SLC35F3: variants seen among roughly 807,000 people sequenced by gnomAD.
SLC35F3 encodes solute carrier family 35 member F3, also known as putative thiamine transporter SLC35F3.
Under a neutral mutation model 49.9 loss-of-function variants are expected in SLC35F3, and 25 were observed. That is an observed-to-expected ratio of 0.50 (90% CI 0.37 to 0.70). The LOEUF is 0.70. Ranked by LOEUF, SLC35F3 falls within the 30% of genes least tolerant of loss-of-function variation. The pLI is 0.00. For missense variants in SLC35F3, 525 were observed against 639.8 expected (o/e 0.82, Z 1.94); for synonymous variants, 275 against 265.4 (o/e 1.04, Z -0.35).
chr1:234,212,526 C>T (rs1443654643), intron 2 of SLC35F3: 1 of 152,176 alleles, frequency 6.6e-6, no homozygotes, highest in Non-Finnish European at 1.5e-5. Context: ...CCCGCTTGGC[C>T]AGTTACTCAG....
chr1:234,190,973 C>T (rs7519317), intron 2 of SLC35F3, among the ~76,000 whole-genome samples: 1 of 152,160 alleles, frequency 6.6e-6, no homozygotes, highest in Non-Finnish European at 1.5e-5. Context: ...AAAAGGGCTC[C>T]CTGCTTCTAG....
chr1:233,922,923 G>A (rs1377011288), intron 2 of SLC35F3, among the ~76,000 whole-genome samples: 4 of 152,118 alleles, frequency 2.6e-5, no homozygotes, highest in Non-Finnish European at 5.9e-5. Context: ...CCCATTTCTT[G>A]TTTTTGTCAG....
chr1:234,140,008 T>TAAGATAAGATAA, intron 2 of SLC35F3, among the ~76,000 whole-genome samples: 1 of 39,686 alleles, frequency 2.5e-5, no homozygotes. Context: ...ATAAAGTAAG[T>TAAGATAAGATAA]GACTTGAACA....
chr1:234,291,120 AC>A (rs1019503737), intron 3 of SLC35F3, among the ~76,000 whole-genome samples: 17 of 152,120 alleles, frequency 1.1e-4, no homozygotes, highest in Admixed American at 1.0e-3. Flanking sequence ...CCTGTTCGCC[AC>A]CCCCCAAACC....
At position 234,312,830 on chromosome 1, in the gene SLC35F3, G is replaced by A. The variant is rs868681114; in HGVS notation, c.828+3510G>A. 4.3e-4 allele frequency among the ~76,000 whole-genome samples: 65 copies of A among 151,356 alleles called. No homozygotes were observed. The Middle Eastern group carries it at 0.014, about 32-fold the overall frequency. On this transcript the variant is annotated intron_variant, in intron 4 of 7. Coordinates refer to ENST00000366618, the MANE Select transcript of SLC35F3 (RefSeq NM_173508.4). ...TGGCAGAGAACAGGCACCCCGCCACGTTTTGTTGTTTGTTTTTTTTAGGTT... is the reference window on the plus strand; with the variant it reads ...TGGCAGAGAACAGGCACCCCGCCACATTTTGTTGTTTGTTTTTTTTAGGTT...
chr1:234,259,971 C>T (rs867897391), intron 3 of SLC35F3, among the ~76,000 whole-genome samples: 1 of 152,002 alleles, frequency 6.6e-6, no homozygotes, highest in Non-Finnish European at 1.5e-5. Context: ...TTAAACTGCC[C>T]CTCGTAGTTT....
chr1:234,195,763 G>A (rs188137261), intron 2 of SLC35F3, among the ~76,000 whole-genome samples: 271 of 152,182 alleles, frequency 1.8e-3, no homozygotes, highest in Non-Finnish European at 3.1e-3. Flanking sequence ...ATGTGTTGTG[G>A]GAGGAACCCA....
chr1:234,322,444 A>G (rs1436858326), intron 7 of SLC35F3, among the ~76,000 whole-genome samples: 17 of 152,218 alleles, frequency 1.1e-4, no homozygotes, highest in Admixed American at 1.1e-3. Flanking sequence ...AAATCGTAAG[A>G]AAGAGAAAAT....
intron 2 of SLC35F3, among the ~76,000 whole-genome samples, chr1:233,935,189 C>CCTTT: frequency 4.0e-5 from 2 of 50,312 alleles, no homozygotes; most frequent in South Asian, 2.5e-3. Context: ...TTTCCTTGCC[C>CCTTT]TTTTTTTTTT....
rs763118572 is a variant in SLC35F3, at chr1:234,312,988, C to T, written c.829-3614C>T. Among the ~76,000 whole-genome samples, 6 of 152,008 alleles carry T rather than the reference C, an allele frequency of 3.9e-5. No homozygotes were observed. The South Asian group carries it at 1.2e-3, about 32-fold the overall frequency. ...ACCTTCTGGGCTCAAGTGATCCTTT[C>T]ACCTCAACCTCCTGAGTAGCTGGTA... On this transcript the variant is annotated intron_variant, in intron 4 of 7. Transcript: ENST00000366618.
intron 2 of SLC35F3, among the ~76,000 whole-genome samples, chr1:234,039,864 C>T (rs995974786): frequency 4.6e-5 from 7 of 152,180 alleles, no homozygotes; most frequent in Non-Finnish European, 1.0e-4. Flanking sequence ...CAGAAGGCAC[C>T]GTTACAATGC....
chr1:234,003,995 T>G (rs1043843088), intron 2 of SLC35F3, among the ~76,000 whole-genome samples: 1 of 152,148 alleles, frequency 6.6e-6, no homozygotes, highest in Non-Finnish European at 1.5e-5. Context: ...TATATATGAC[T>G]GATGGGAGAA....
At chr1:233,980,405 T>G (rs984964584) in intron 2 of SLC35F3, among the ~76,000 whole-genome samples, 1 of 152,182 alleles carries the variant, frequency 6.6e-6, no homozygotes, top group African/African-American at 2.4e-5. Flanking sequence ...ACCTGGGACT[T>G]GGCCTTGGTC....
At chr1:234,070,003 G>A (rs1379949) in intron 2 of SLC35F3, among the ~76,000 whole-genome samples, 100,383 of 152,042 alleles carry the variant, frequency 0.66, 33,692 homozygotes, top group African/African-American at 0.74. Context: ...CTCATACAGA[G>A]CTTTCAAACC....
chr1:234,209,419 C>T (rs2102939180), intron 2 of SLC35F3, among the ~76,000 whole-genome samples: 1 of 152,166 alleles, frequency 6.6e-6, no homozygotes, highest in Non-Finnish European at 1.5e-5. Context: ...AACAGTAGTG[C>T]ATGCTTATAC....
intron 2 of SLC35F3, among the ~76,000 whole-genome samples, chr1:234,031,439 G>C (rs529123578): frequency 3.3e-5 from 5 of 152,314 alleles, no homozygotes; most frequent in African/African-American, 9.6e-5. Flanking sequence ...ATGGTAACTT[G>C]GCAGAGTCAC....
intron 2 of SLC35F3, among the ~76,000 whole-genome samples, chr1:233,998,100 T>C (rs9435490): frequency 0.26 from 39,629 of 151,998 alleles, 5,394 homozygotes; most frequent in East Asian, 0.49. Flanking sequence ...GCATTATAGA[T>C]GGATATGTGT....
At chr1:234,222,411 G>T (rs952816862) in intron 2 of SLC35F3, among the ~76,000 whole-genome samples, 1 of 152,176 alleles carries the variant, frequency 6.6e-6, no homozygotes. Context: ...GATGCATAAC[G>T]ACTCTGCTGA....
intron 2 of SLC35F3, among the ~76,000 whole-genome samples, chr1:234,157,112 G>T (rs1666165745): frequency 6.6e-6 from 1 of 152,172 alleles, no homozygotes; most frequent in African/African-American, 2.4e-5. Flanking sequence ...GAATTGTATA[G>T]TATGTATCTT....
Sources: allele counts gnomAD v4.1 joint callset (sites outside exome capture counted in the v4.1 genomes callset), GRCh38; gene constraint gnomAD v4.1.1; transcripts MANE v1.5; gene names NCBI Gene and HGNC (gene_info 2026-07-23, HGNC 2026-07-21).